The following RAD51AP2 variants were observed in gnomAD, a reference collection of about 807,000 sequenced individuals.
The protein encoded by RAD51AP2 is RAD51 associated protein 2, also known as RAD51-associated protein 2.
In RAD51AP2, 67 loss-of-function variants were observed where a neutral mutation model predicts 85.5. The ratio of observed to expected loss-of-function variants is 0.78; its 90% confidence interval spans 0.64 to 0.96. The LOEUF (loss-of-function observed/expected upper bound fraction) is 0.96, where lower values mean the gene tolerates loss of function less well. Ranked by LOEUF, RAD51AP2 falls within the 40% of genes least tolerant of loss-of-function variation. The pLI is 0.00. For missense variants in RAD51AP2, 1,307 were observed against 1,332.4 expected (o/e 0.98, Z 0.30); for synonymous variants, 474 against 446.5 (o/e 1.06, Z -0.78).
chr2:17,518,626 C>T (rs1662783291), upstream of RAD51AP2, among the ~76,000 whole-genome samples: 1 of 150,872 alleles, frequency 6.6e-6, no homozygotes. Flanking sequence ...CCTGCCCCCA[C>T]CCACGCGCCC....
In RAD51AP2 at chr2:17,516,420, G is replaced by A. The variant is rs779746505; in HGVS notation, c.1996C>T (p.Leu666Phe). 1 of 1,598,542 alleles carries A rather than the reference G, an allele frequency of 6.3e-7. No homozygotes were observed. The highest frequency in any genetic ancestry group is 1.4e-5 in the African/African-American group (1 of 73,798). Residue 666 changes from leucine to phenylalanine, a missense_variant, in exon 1 of 3, where the codon CTC becomes TTC. Transcript: ENST00000399080. ...EQVFEKSKKK[L>F]INSFSMTTQN... ...GTTGTCATACTGAAGGAATTAATGA[G>A]TTTTTTCTTAGACTTTTCAAAAACT...
upstream of RAD51AP2, chr2:17,518,461 T>C (rs755718757): frequency 2.8e-5 from 44 of 1,576,266 alleles, no homozygotes; most frequent in Admixed American, 7.1e-5. Flanking sequence ...GGGGCTCCAA[T>C]CCCTTAATAG....
At chr2:17,536,895 T>C in the RAD51AP2 span, among the ~76,000 whole-genome samples, 182 of 152,326 alleles carry the variant, frequency 1.2e-3, 1 homozygote, top group African/African-American at 4.3e-3. Flanking sequence ...GGCACAGACA[T>C]ATACAATGAG....
chr2:17,516,989 G>A lies in RAD51AP2; in HGVS notation c.1427C>T (p.Thr476Ile), dbSNP rs1419582511. 1 of 1,598,374 alleles carries A rather than the reference G, an allele frequency of 6.3e-7. No individual in the cohort carries two copies. The highest frequency in any genetic ancestry group is 1.4e-5 in the African/African-American group (1 of 73,790). The change falls in exon 1 of 3, where the codon ACT becomes ATT. Residue 476 changes from threonine to isoleucine, a missense_variant. Thr to Ile is a moderately conservative substitution (Grantham distance 89). Coordinates refer to ENST00000399080, the MANE Select transcript of RAD51AP2 (RefSeq NM_001099218.3). ...TTCTCCTTTACCATTTAGCCAAACA[G>A]TCGTTATTAAAGCTGTCTGACTACC... ...ILGSQTALIT[T>I]VWLNGKGEND...
At chr2:17,526,778 C>T in the RAD51AP2 span, among the ~76,000 whole-genome samples, 3 of 152,084 alleles carry the variant, frequency 2.0e-5, no homozygotes, top group African/African-American at 7.2e-5. Flanking sequence ...GAAAGGCATA[C>T]AAGAAAAGGA....
rs764517783 is a variant in RAD51AP2 at position 17,515,253 on chromosome 2, T to A, written c.3163A>T (p.Asn1055Tyr). ...QSLFKWKTVP[N>Y]NGEQEVPNES... ...TTAGGAACTTCCTGTTCTCCATTAT[T>A]GGGTACAGTTTTCCATTTAAATAAA... Residue 1055 changes from asparagine (N) to tyrosine (Y), a missense_variant, in exon 1 of 3, where the codon AAT becomes TAT. Physicochemically the swap from Asn to Tyr is moderately radical, Grantham distance 143. This residue lies in a region of RAD51AP2 where 668 missense variants were observed against 671.0 expected (regional missense o/e 1.00). Coordinates refer to ENST00000399080, the MANE Select transcript of RAD51AP2 (RefSeq NM_001099218.3). 1 of 1,613,106 alleles carries A rather than the reference T, an allele frequency of 6.2e-7. No individual in the cohort carries two copies. Among genetic ancestry groups the A allele is most frequent in the East Asian group, 2.2e-5 (1 of 44,808 alleles).
chr2:17,537,095 G>A, the RAD51AP2 span, among the ~76,000 whole-genome samples: 1 of 152,216 alleles, frequency 6.6e-6, no homozygotes, highest in African/African-American at 2.4e-5. Context: ...CAAAGCAGGA[G>A]GATTGCTTAA....
rs759170133 is a variant in RAD51AP2 at position 17,517,978 on chromosome 2, G to A, written c.438C>T (p.His146=). The change falls in exon 1 of 3, where the codon CAC becomes CAT. Residue 146 remains histidine (H), a synonymous_variant. Transcript: ENST00000399080. The stretch of plus-strand genomic sequence containing the variant: ...CCCCTGCTTTGGAGCTATTACTGCG[G>A]TGCACACTGAAAGCCTCTCTGTCAT... ...GLHDREAFSV[H]RSNSSKAGVS... The A allele has an allele frequency of 8.7e-6, 14 of 1,614,046 alleles. No homozygotes were observed. In the African/African-American group the frequency reaches 1.9e-4, roughly 22 times the overall value.
chr2:17,535,488 G>A, the RAD51AP2 span, among the ~76,000 whole-genome samples: 33 of 152,280 alleles, frequency 2.2e-4, no homozygotes, highest in Non-Finnish European at 4.1e-4. Context: ...GAAAGAACAC[G>A]TGTTCCAAGA....
upstream of RAD51AP2, among the ~76,000 whole-genome samples, chr2:17,522,623 C>T (rs1325572260): frequency 6.6e-6 from 1 of 151,878 alleles, no homozygotes; most frequent in Admixed American, 6.6e-5. Flanking sequence ...AGAACCCTGT[C>T]GCTGAAATAA....
chr2:17,535,419 A>T, the RAD51AP2 span, among the ~76,000 whole-genome samples: 1 of 152,216 alleles, frequency 6.6e-6, no homozygotes, highest in African/African-American at 2.4e-5. Flanking sequence ...GTGAGAAACC[A>T]GTTAATGATT....
chr2:17,517,880 A>T lies in RAD51AP2; in HGVS notation c.536T>A (p.Phe179Tyr), dbSNP rs759142174. 1.2e-5 allele frequency: 20 copies of T among 1,614,198 alleles called. No homozygotes were observed. The Middle Eastern group carries it at 1.5e-3, about 120-fold the overall frequency. Reference sequence around the variant, plus strand: ...GTGAACATTGTCTCTTCCTTGGACAAACTGTTGTTTTCGATTCTCATTTCT... The same window carrying T: ...GTGAACATTGTCTCTTCCTTGGACATACTGTTGTTTTCGATTCTCATTTCT... ...GIRNENRKQQ[F>Y]VQGRDNVHKE... is the part of the protein sequence containing the mutation. Residue 179 changes from phenylalanine to tyrosine, a missense_variant, in exon 1 of 3, where the codon TTT (phenylalanine) becomes TAT (tyrosine). Transcript: ENST00000399080.
At chr2:17,524,409 A>G in the RAD51AP2 span, among the ~76,000 whole-genome samples, 1 of 152,008 alleles carries the variant, frequency 6.6e-6, no homozygotes, top group Non-Finnish European at 1.5e-5. Flanking sequence ...CAGTAAAGTT[A>G]TATCTAGCCA....
chr2:17,523,215 A>G (rs991638772), upstream of RAD51AP2, among the ~76,000 whole-genome samples: 1 of 151,920 alleles, frequency 6.6e-6, no homozygotes, highest in Non-Finnish European at 1.5e-5. Flanking sequence ...TCCATTTAAA[A>G]ACATTTTTAA....
chr2:17,517,376 C>T lies in RAD51AP2; in HGVS notation c.1040G>A (p.Ser347Asn), dbSNP rs1175991988. 10 of 1,613,616 alleles carry T rather than the reference C, an allele frequency of 6.2e-6. No individual in the cohort carries two copies. Among genetic ancestry groups the T allele is most frequent in the Middle Eastern group, 1.6e-4 (1 of 6,082 alleles). ...QNTCKRKDLISSNYCNCSSIQ... is the reference protein window; with the variant it reads ...QNTCKRKDLINSNYCNCSSIQ... ...ACTACTGCAGTTACAGTAGTTTGAA[C>T]TGATCAAGTCTTTTCTCTTACAAGT... Residue 347 changes from serine (S) to asparagine (N), a missense_variant, in exon 1 of 3, where the codon AGT (serine) becomes AAT (asparagine). By Grantham distance (46) the Ser-to-Asn change is conservative. This residue lies in a region of RAD51AP2 where 635 missense variants were observed against 643.6 expected (regional missense o/e 0.99). Coordinates refer to ENST00000399080, the MANE Select transcript of RAD51AP2 (RefSeq NM_001099218.3).
the RAD51AP2 span, among the ~76,000 whole-genome samples, chr2:17,528,330 CA>C: frequency 6.6e-6 from 1 of 151,922 alleles, no homozygotes; most frequent in Non-Finnish European, 1.5e-5. Context: ...ACTAATTTCA[CA>C]AAAATTAGTT....
intron 1 of RAD51AP2, 99 bp downstream of exon 1, chr2:17,515,070 C>T: frequency 1.0e-6 from 1 of 955,200 alleles, no homozygotes; most frequent in Non-Finnish European, 1.5e-6. Flanking sequence ...TTTATCTCTA[C>T]CTTCCTTCTT....
At chr2:17,530,667 T>C in the RAD51AP2 span, among the ~76,000 whole-genome samples, 1 of 148,152 alleles carries the variant, frequency 6.7e-6, no homozygotes, top group Admixed American at 6.7e-5. Context: ...TGGGAAATTA[T>C]CCACATATCT....
intron 2 of RAD51AP2, among the ~76,000 whole-genome samples, chr2:17,513,237 CTT>C (rs11394351): frequency 0.032 from 3,556 of 111,102 alleles, 35 homozygotes; most frequent in Middle Eastern, 0.061. Flanking sequence ...TTAGTGTGTG[CTT>C]TTTTTTTTTT....
Sources: gnomAD v4.1 joint callset for allele counts (sites outside exome capture counted in the v4.1 genomes callset) on GRCh38, gnomAD v4.1.1 for gene constraint, gnomAD v4.1.1 regional missense constraint, MANE v1.5 for transcripts, NCBI Gene and HGNC (gene_info 2026-07-23, HGNC 2026-07-21) for gene names.